The following TRIM14 variants were observed in gnomAD, a reference collection of about 807,000 sequenced individuals.
The protein encoded by TRIM14 is tripartite motif containing 14, also known as tripartite motif-containing protein 14.
Under a neutral mutation model 44.5 loss-of-function variants are expected in TRIM14, and 28 were observed. The ratio of observed to expected loss-of-function variants is 0.63; its 90% CI spans 0.47 to 0.86. The LOEUF is 0.86. Ranked by LOEUF, TRIM14 falls within the 40% of genes least tolerant of loss-of-function variation. The probability of loss-of-function intolerance (pLI) is 0.00; values close to 1 mark genes in which losing one functional copy is unlikely to be tolerated. For synonymous variants in TRIM14, 299 were observed against 269.2 expected (o/e 1.11, Z -1.08); for missense variants, 607 against 611.1 (o/e 0.99, Z 0.07).
intron 2 of TRIM14, among the ~76,000 whole-genome samples, chr9:98,100,621 C>A (rs1564182019): frequency 6.6e-6 from 1 of 152,002 alleles, no homozygotes; most frequent in African/African-American, 2.4e-5. Context: ...AGGTTATCTG[C>A]CTTATCTGCC....
the TRIM14 span, among the ~76,000 whole-genome samples, chr9:98,045,181 A>AG: frequency 6.6e-6 from 1 of 152,164 alleles, no homozygotes; most frequent in Non-Finnish European, 1.5e-5. Flanking sequence ...CTCCTAAGAC[A>AG]GAAAAAAAAC....
In TRIM14 at chr9:98,100,047, G is replaced by C; in HGVS notation, c.421C>G (p.Leu141Val). The part of the protein sequence containing the change: ...KFIDKNTQLT[L>V]QVYREQADSC... ...TCAGCTTGTTCCCTGTACACCTGGA[G>C]GGTAAGCTGCGTGTTTTTATCAATG... The change falls in exon 3 of 6, where the codon CTC (leucine) becomes GTC (valine). Residue 141 changes from leucine to valine, a missense_variant. By Grantham distance (32) the Leu-to-Val change is conservative (BLOSUM62 1). Coordinates refer to ENST00000341469, the MANE Select transcript of TRIM14 (RefSeq NM_014788.4). 1.2e-6 allele frequency: 2 copies of C among 1,614,206 alleles called. No homozygotes were observed. Among genetic ancestry groups the C allele is most frequent in the South Asian group, 1.1e-5 (1 of 91,080 alleles).
the TRIM14 span, among the ~76,000 whole-genome samples, chr9:98,048,780 G>A: frequency 6.6e-6 from 1 of 152,234 alleles, no homozygotes; most frequent in Non-Finnish European, 1.5e-5. Flanking sequence ...TCTCAGCAAT[G>A]TGGGAGGCCG....
the TRIM14 span, among the ~76,000 whole-genome samples, chr9:98,054,534 C>G: frequency 6.6e-6 from 1 of 152,172 alleles, no homozygotes; most frequent in Admixed American, 6.5e-5. Context: ...CAGCTGCAGA[C>G]AATCCATGAT....
At chr9:98,042,408 C>G in the TRIM14 span, among the ~76,000 whole-genome samples, 1 of 151,694 alleles carries the variant, frequency 6.6e-6, no homozygotes, top group Non-Finnish European at 1.5e-5. Flanking sequence ...GTTTTTCAAG[C>G]ATTTATTCCA....
In TRIM14 at chr9:98,077,346, A is replaced by G. The variant is rs557438606; in HGVS notation, c.*29-7659T>C. The stretch of plus-strand genomic sequence containing the variant: ...ATGAATTAAGAATATGACAGTTTTT[A>G]TAAGACATTTAGAAATTCTTTTTAA... On this transcript the variant is annotated intron_variant, in intron 6 of 6. Coordinates refer to the TRIM14 transcript ENST00000375098. Among the ~76,000 whole-genome samples, 56 of 151,686 alleles carry G rather than the reference A, an allele frequency of 3.7e-4. 1 individual carries two copies. The highest frequency in any genetic ancestry group is 2.9e-4 in the Non-Finnish European group (20 of 67,910).
rs1826136594 is a variant in TRIM14 at position 98,095,045 on chromosome 9, G to A, written c.538-16C>T. 6.2e-7 allele frequency: 1 copy of A among 1,608,410 alleles called. No individual in the cohort carries two copies. ...CCGTGTATGCCTGTGTGGGCACACGGGGGTGAGGGTGGCTCTGGGAGATGC... is the reference window on the plus strand; with the variant it reads ...CCGTGTATGCCTGTGTGGGCACACGAGGGTGAGGGTGGCTCTGGGAGATGC... On this transcript the variant is annotated splice_polypyrimidine_tract_variant and intron_variant, in intron 3 of 5. Coordinates refer to ENST00000341469, the MANE Select transcript of TRIM14 (RefSeq NM_014788.4). This position sits in a 1 kb window ranked among gnomAD's most constrained non-coding sequence, Gnocchi z 4.1.
At chr9:98,083,558 GA>G (rs1366574486), downstream of TRIM14, among the ~76,000 whole-genome samples, 1 of 152,212 alleles carries the variant, frequency 6.6e-6, no homozygotes, top group Non-Finnish European at 1.5e-5. Flanking sequence ...AGAAAATGCT[GA>G]AAGCACTCCT....
intron 2 of TRIM14, among the ~76,000 whole-genome samples, chr9:98,108,102 T>C (rs1047047400): frequency 6.8e-6 from 1 of 147,956 alleles, no homozygotes; most frequent in Admixed American, 6.8e-5. Flanking sequence ...TTTTTTTGGA[T>C]AGTGTGCTAT....
chr9:98,060,941 C>G, the TRIM14 span: 2 of 1,614,094 alleles, frequency 1.2e-6, no homozygotes, highest in Non-Finnish European at 1.7e-6. Flanking sequence ...GTACAGGGAG[C>G]TGCAGAGGTA....
intron 1 of TRIM14, among the ~76,000 whole-genome samples, chr9:98,118,138 C>T (rs1480097852): frequency 6.6e-6 from 1 of 152,108 alleles, no homozygotes; most frequent in East Asian, 1.9e-4. Context: ...GTAGGATCAA[C>T]AGCTGTCAGA....
At chr9:98,039,507 T>G in the TRIM14 span, among the ~76,000 whole-genome samples, 88 of 152,272 alleles carry the variant, frequency 5.8e-4, no homozygotes, top group Middle Eastern at 6.8e-3. Context: ...TAGATTGCCT[T>G]TGTAGGACTA....
chr9:98,112,471 C>T (rs552873773), intron 1 of TRIM14, among the ~76,000 whole-genome samples: 1 of 152,074 alleles, frequency 6.6e-6, no homozygotes. Context: ...ATTAATCTCA[C>T]AAAAGACATT....
rs772008221 is a variant in TRIM14 at position 98,087,519 on chromosome 9, G to A, written c.1280C>T (p.Pro427Leu). ...GGCCCCCTCCCAGAGCCGCAGGGCC[G>A]GGTAGAGCGGCTCCTGGAACGTGGC... is the stretch of plus-strand genomic sequence containing the variant. ...FRATFQEPLYPALRLWEGAIS... is the reference protein window; with the variant it reads ...FRATFQEPLYLALRLWEGAIS... The change falls in exon 6 of 6, where the codon CCG becomes CTG. Residue 427 changes from proline (P) to leucine (L), a missense_variant. Transcript: ENST00000341469. 18 of 1,598,228 alleles carry A rather than the reference G, an allele frequency of 1.1e-5. No individual in the cohort carries two copies. Among genetic ancestry groups the A allele is most frequent in the African/African-American group, 2.7e-5 (2 of 74,724 alleles).
chr9:98,093,243 A>G (rs1826063207), intron 4 of TRIM14, among the ~76,000 whole-genome samples: 3 of 151,970 alleles, frequency 2.0e-5, no homozygotes, highest in Admixed American at 2.0e-4. Flanking sequence ...TGCTCCTTCG[A>G]TATGGCCAGC....
At chr9:98,078,168 A>G (rs1829675118) in intron 6 of TRIM14, 1 of 1,613,998 alleles carries the variant, frequency 6.2e-7, no homozygotes, top group Non-Finnish European at 8.5e-7. Flanking sequence ...GAAAGTGCTG[A>G]TGGTGTTGGT....
rs1468914064 is a variant in TRIM14 at position 98,099,435 on chromosome 9, A to G, written c.537+496T>C. Among the ~76,000 whole-genome samples the G allele has an allele frequency of 1.7e-4, 25 of 148,314 alleles. 1 individual carries two copies. Among genetic ancestry groups the G allele is most frequent in the Admixed American group, 1.7e-3 (25 of 14,850 alleles). On this transcript the variant is annotated intron_variant, in intron 3 of 5. Transcript: ENST00000341469. ...CCACTGTACTCCGGCCTGGGCAACAAGAGAGAAACTCCATCTCAAAAAAAA... is the reference window on the plus strand; with the variant it reads ...CCACTGTACTCCGGCCTGGGCAACAGGAGAGAAACTCCATCTCAAAAAAAA...
intron 1 of TRIM14, among the ~76,000 whole-genome samples, chr9:98,117,199 G>T (rs80026774): frequency 6.6e-6 from 1 of 152,082 alleles, no homozygotes; most frequent in Non-Finnish European, 1.5e-5. Flanking sequence ...AAGAAGGCTT[G>T]GGATTTTCTT....
At chr9:98,112,842 G>A (rs894433464) in intron 1 of TRIM14, among the ~76,000 whole-genome samples, 23 of 148,904 alleles carry the variant, frequency 1.5e-4, no homozygotes, top group Non-Finnish European at 2.1e-4. Context: ...GGCCAGGCGC[G>A]GTGGTTCATG....
Sources: gnomAD v4.1 joint callset for allele counts (sites outside exome capture counted in the v4.1 genomes callset) on GRCh38, gnomAD v4.1.1 for gene constraint, Gnocchi (gnomAD v3.1) non-coding constraint, MANE v1.5 for transcripts, NCBI Gene and HGNC (gene_info 2026-07-23, HGNC 2026-07-21) for gene names.